PCM1: variants seen among roughly 807,000 people sequenced by gnomAD.
PCM1 encodes the protein pericentriolar material 1.
In PCM1, 157 loss-of-function variants were observed where a neutral mutation model predicts 241.9. That is an observed-to-expected ratio of 0.65 (90% CI 0.57 to 0.74). The LOEUF is 0.74. Among genes scored for constraint, PCM1 ranks in the 30% least tolerant of loss-of-function variants. The pLI, the probability that PCM1 is intolerant of heterozygous loss-of-function variation, is 0.00. For synonymous variants in PCM1, 1,085 were observed against 784.9 expected (o/e 1.38, Z -6.39); for missense variants, 3,478 against 2,360.1 (o/e 1.47, Z -9.81).
chr8:17,930,702 C>A (rs2058729446), intron 2 of PCM1, among the ~76,000 whole-genome samples: 1 of 151,776 alleles, frequency 6.6e-6, no homozygotes, highest in African/African-American at 2.4e-5. Flanking sequence ...CATGGTGAAA[C>A]CCTGTCTCTA....
chr8:17,939,025 T>G lies in PCM1; in HGVS notation c.612+16T>G, dbSNP rs1214359514. ...GAGCAGCCAGGTGATAACGTTTGTT[T>G]CTTTTGCTCATTCTTTACACAAACC... is the stretch of plus-strand genomic sequence containing the variant. On this transcript the variant is annotated intron_variant, in intron 5 of 38. Coordinates refer to ENST00000325083, the MANE Select transcript of PCM1 (RefSeq NM_006197.4). The G allele has an allele frequency of 8.7e-6, 14 of 1,612,252 alleles. No homozygotes were observed. Among genetic ancestry groups the G allele is most frequent in the Non-Finnish European group, 1.2e-5 (14 of 1,178,806 alleles).
chr8:17,951,933 T>A (rs1563842445), intron 8 of PCM1, among the ~76,000 whole-genome samples: 1 of 151,810 alleles, frequency 6.6e-6, no homozygotes, highest in Non-Finnish European at 1.5e-5. Context: ...AAAAAAAATT[T>A]AAAAAAAGGC....
At chr8:18,005,122 G>T (rs569761094) in intron 29 of PCM1, among the ~76,000 whole-genome samples, 4 of 152,182 alleles carry the variant, frequency 2.6e-5, no homozygotes, top group Admixed American at 2.0e-4. Context: ...GTTGCCTCCA[G>T]TATGCTCCTA....
In PCM1 at chr8:17,957,565, A is replaced by G; in HGVS notation, c.1830A>G (p.Glu610=). ...SLDCRYNREG[E]QEIHVAQGED... ...ATTGTCGATATAATAGAGAAGGGGAACAGGAGATTCATGTTGCACAAGGTG... is the reference window on the plus strand; with the variant it reads ...ATTGTCGATATAATAGAGAAGGGGAGCAGGAGATTCATGTTGCACAAGGTG... Residue 610 remains glutamate (E), a synonymous_variant, in exon 13 of 39, where the codon GAA becomes GAG. Coordinates refer to ENST00000325083, the MANE Select transcript of PCM1 (RefSeq NM_006197.4). 6.3e-7 allele frequency: 1 copy of G among 1,575,372 alleles called. No homozygotes were observed. Among genetic ancestry groups the G allele is most frequent in the Non-Finnish European group, 8.6e-7 (1 of 1,158,700 alleles).
At chr8:17,993,215 G>T (rs192280881) in intron 28 of PCM1, among the ~76,000 whole-genome samples, 85 of 151,916 alleles carry the variant, frequency 5.6e-4, no homozygotes, top group Middle Eastern at 3.4e-3. Context: ...AATTTTTGTG[G>T]TTTCAGGTAT....
intron 29 of PCM1, among the ~76,000 whole-genome samples, chr8:18,004,257 T>G (rs957237064): frequency 6.6e-6 from 1 of 152,170 alleles, no homozygotes. Flanking sequence ...TAAAAAGTCT[T>G]GAATTTAAAA....
At chr8:18,003,853 T>C (rs942561106) in intron 29 of PCM1, among the ~76,000 whole-genome samples, 4 of 152,122 alleles carry the variant, frequency 2.6e-5, no homozygotes, top group Non-Finnish European at 5.9e-5. Flanking sequence ...CTTGAAACCA[T>C]TGCCTCAAGT....
Position 17,992,630 on chromosome 8 carries a change from T to A in PCM1, c.4691-853T>A, listed in dbSNP as rs796490794. Among the ~76,000 whole-genome samples the A allele has an allele frequency of 7.5e-3, 1,115 of 148,922 alleles. 11 individuals are homozygous for A. The highest frequency in any genetic ancestry group is 0.025 in the African/African-American group (1,000 of 40,436). Reference sequence around the variant, plus strand: ...TACTACTTTTTTTTTTTTTTTTTTTTAATTTGAGCACAGTCTTGCTCTGTT... The same window carrying A: ...TACTACTTTTTTTTTTTTTTTTTTTAAATTTGAGCACAGTCTTGCTCTGTT... On this transcript the variant is annotated intron_variant, in intron 28 of 38. Transcript: ENST00000325083.
At chr8:17,937,056 C>G in intron 3 of PCM1, 78 bp from the exon 4 acceptor site, 1 of 1,169,550 alleles carries the variant, frequency 8.6e-7, no homozygotes, top group Non-Finnish European at 1.2e-6. Context: ...TAAAACTGAC[C>G]AAAACTTTTT....
chr8:17,958,680 A>C (rs930849549), intron 13 of PCM1, among the ~76,000 whole-genome samples: 1 of 152,056 alleles, frequency 6.6e-6, no homozygotes, highest in African/African-American at 2.4e-5. Context: ...TACTCAAGTA[A>C]AAGGTGAGCG....
chr8:17,980,869 GT>G, intron 24 of PCM1, 114 bp downstream of exon 24: 1 of 684,996 alleles, frequency 1.5e-6, no homozygotes, highest in Non-Finnish European at 2.3e-6. Context: ...CATGTGGAAG[GT>G]TTTATAGTGG....
chr8:17,979,655 A>G (rs1158684607), intron 23 of PCM1, among the ~76,000 whole-genome samples: 2 of 152,236 alleles, frequency 1.3e-5, no homozygotes, highest in Admixed American at 1.3e-4. Flanking sequence ...TTGAACAAAT[A>G]TAAAAACATA....
chr8:17,980,964 T>A (rs1032262699), intron 24 of PCM1, among the ~76,000 whole-genome samples: 1 of 152,200 alleles, frequency 6.6e-6, no homozygotes, highest in Non-Finnish European at 1.5e-5. Flanking sequence ...TTGGACACAT[T>A]TTAATAAAAT....
At chr8:17,990,332 C>T (rs1039982989) in intron 27 of PCM1, among the ~76,000 whole-genome samples, 9 of 151,928 alleles carry the variant, frequency 5.9e-5, no homozygotes, top group African/African-American at 2.4e-5. Context: ...TTCATGGGAA[C>T]AATTCAGGCC....
chr8:17,928,293 T>A (rs753683601), intron 2 of PCM1, among the ~76,000 whole-genome samples: 2 of 152,190 alleles, frequency 1.3e-5, no homozygotes, highest in Non-Finnish European at 1.5e-5. Context: ...TTTCCCTGAG[T>A]CCGTAGTGCT....
chr8:18,018,885 CACATATACAT>C (rs2093509546), intron 36 of PCM1, among the ~76,000 whole-genome samples: 6 of 54,358 alleles, frequency 1.1e-4, no homozygotes, highest in South Asian at 9.6e-4. Context: ...TATATACACA[CACATATACAT>C]ACACATATAT....
intron 27 of PCM1, among the ~76,000 whole-genome samples, chr8:17,991,095 G>C (rs1198227412): frequency 6.6e-6 from 1 of 151,370 alleles, no homozygotes; most frequent in Non-Finnish European, 1.5e-5. Context: ...GTCTGAAGTA[G>C]ACATAGAATT....
chr8:17,946,321 G>T (rs1256326921), intron 6 of PCM1, among the ~76,000 whole-genome samples: 1 of 151,982 alleles, frequency 6.6e-6, no homozygotes, highest in Non-Finnish European at 1.5e-5. Flanking sequence ...TATAAAATTC[G>T]TTATTTTCTT....
chr8:17,949,596 C>G lies in PCM1; in HGVS notation c.962-1019C>G, dbSNP rs377412171. On this transcript the variant is annotated intron_variant, in intron 7 of 38. Transcript: ENST00000325083. Reference sequence around the variant, plus strand: ...CACTGCAGCCTCTGCCTCGCAGGTTCAAGTGATTCTCTCACCCCAGCCTCC... The same window carrying G: ...CACTGCAGCCTCTGCCTCGCAGGTTGAAGTGATTCTCTCACCCCAGCCTCC... 1.5e-4 allele frequency among the ~76,000 whole-genome samples: 23 copies of G among 150,868 alleles called. No individual in the cohort carries two copies. The East Asian group carries it at 4.3e-3, about 28-fold the overall frequency.
Sources: gnomAD v4.1 joint callset for allele counts (sites outside exome capture counted in the v4.1 genomes callset) on GRCh38, gnomAD v4.1.1 for gene constraint, MANE v1.5 for transcripts, NCBI Gene and HGNC (gene_info 2026-07-23, HGNC 2026-07-21) for gene names.